Variants in HIPK1 observed in about 807,000 individuals in gnomAD.
The protein encoded by HIPK1 is homeodomain interacting protein kinase 1.
HIPK1 carries 28 observed loss-of-function variants against 117.1 expected under a neutral mutation model. The ratio of observed to expected loss-of-function variants is 0.24; its 90% CI spans 0.18 to 0.33. The LOEUF (loss-of-function observed/expected upper bound fraction) is 0.33, where lower values mean the gene tolerates loss of function less well. HIPK1 is among the 10% of genes least tolerant of loss of function. The probability of loss-of-function intolerance (pLI) is 1.00; values close to 1 mark genes in which losing one functional copy is unlikely to be tolerated. For synonymous variants in HIPK1, 605 were observed against 562.5 expected, an observed-to-expected ratio of 1.08 and a Z score of -1.07; for missense variants, 1,122 against 1,475.1, an observed-to-expected ratio of 0.76 and a Z score of 3.92.
rs1672718493 is a variant in HIPK1 at position 113,970,054 on chromosome 1, C to T, written c.2870C>T (p.Thr957Ile). 6.2e-7 allele frequency: 1 copy of T among 1,614,190 alleles called. No individual in the cohort carries two copies. Among genetic ancestry groups the T allele is most frequent in the South Asian group, 1.1e-5 (1 of 91,086 alleles). ...SSLSSPYSTDTLSALRGNSGS... is the reference protein window; with the variant it reads ...SSLSSPYSTDILSALRGNSGS... The stretch of plus-strand genomic sequence containing the variant: ...TTGAGCAGCCCTTATTCCACTGATA[C>T]CCTGAGTGCTCTCCGAGGCAATAGT... Residue 957 changes from threonine to isoleucine, a missense_variant, in exon 14 of 16, where the codon ACC (threonine) becomes ATC (isoleucine). Around this residue, in one of 6 missense-constraint regions of HIPK1, gnomAD observed 731 missense variants for 860.4 expected, o/e 0.85. Coordinates refer to ENST00000426820, the MANE Select transcript of HIPK1 (RefSeq NM_198268.3).
At chr1:113,933,027 T>C in intron 1 of HIPK1, 2 of 193,646 alleles carry the variant, frequency 1.0e-5, no homozygotes, top group Non-Finnish European at 1.9e-5. Context: ...CAAGGTATAG[T>C]TTTCTTAATT....
intron 1 of HIPK1, among the ~76,000 whole-genome samples, chr1:113,935,581 A>G (rs1670200431): frequency 1.3e-5 from 2 of 152,178 alleles, no homozygotes; most frequent in African/African-American, 4.8e-5. Context: ...TCTGTTTTAA[A>G]TTCTTTGAGG....
Position 113,973,327 on chromosome 1 carries a change from A to G in HIPK1, c.3448A>G (p.Ser1150Gly). 6.2e-7 allele frequency: 1 copy of G among 1,614,094 alleles called. No individual in the cohort carries two copies. Among genetic ancestry groups the G allele is most frequent in the South Asian group, 1.1e-5 (1 of 91,066 alleles). ...RHAAAYTTHP[S>G]TLVHQVPVSV... ...TGCTGCAGCCTATACCACTCACCCT[A>G]GCACTTTGGTGCACCAGGTCCCTGT... The change falls in exon 16 of 16, where the codon AGC becomes GGC. Residue 1150 changes from serine to glycine, a missense_variant. Ser to Gly is a moderately conservative substitution (Grantham distance 56). Around this residue, in one of 6 missense-constraint regions of HIPK1, gnomAD observed 731 missense variants for 860.4 expected, o/e 0.85. Transcript: ENST00000426820.
In HIPK1 at chr1:113,970,063, C is replaced by A. The variant is rs1429393745; in HGVS notation, c.2879C>A (p.Ala960Asp). Residue 960 changes from alanine to aspartate, a missense_variant, in exon 14 of 16, where the codon GCT becomes GAT. Physicochemically the swap from Ala to Asp is moderately radical, Grantham distance 126. This residue lies in a region of HIPK1 where 731 missense variants were observed against 860.4 expected (regional missense o/e 0.85). Coordinates refer to ENST00000426820, the MANE Select transcript of HIPK1 (RefSeq NM_198268.3). ...CCTTATTCCACTGATACCCTGAGTG[C>A]TCTCCGAGGCAATAGTGGATCCGTT... ...SSPYSTDTLS[A>D]LRGNSGSVLE... 6.2e-7 allele frequency: 1 copy of A among 1,614,096 alleles called. No homozygotes were observed. Among genetic ancestry groups the A allele is most frequent in the Non-Finnish European group, 8.5e-7 (1 of 1,180,054 alleles).
At chr1:113,968,751 T>C (rs906872488) in intron 13 of HIPK1, 103 bp downstream of exon 13, 1 of 892,770 alleles carries the variant, frequency 1.1e-6, no homozygotes, top group African/African-American at 1.6e-5. Context: ...TGGGGCATGG[T>C]GGCTCACGCC....
chr1:113,966,220 A>T lies in HIPK1; in HGVS notation c.2329A>T (p.Thr777Ser). The T allele has an allele frequency of 6.2e-7, 1 of 1,614,054 alleles. No homozygotes were observed. Among genetic ancestry groups the T allele is most frequent in the Non-Finnish European group, 8.5e-7 (1 of 1,179,950 alleles). Residue 777 changes from threonine (T) to serine (S), a missense_variant, in exon 11 of 16, where the codon ACA (threonine) becomes TCA (serine). Thr to Ser is a moderately conservative substitution (Grantham distance 58). Transcript: ENST00000426820. ...AGCTCTACACAACTCTGTCCAGCCC[A>T]CAGCAATGATTCCAGAGGCCATGGG... is the stretch of plus-strand genomic sequence containing the variant. Reference protein sequence around the residue: ...GVALHNSVQPTAMIPEAMGSG... With the variant: ...GVALHNSVQPSAMIPEAMGSG...
intron 11 of HIPK1, 43 bp from the exon 12 acceptor site, chr1:113,967,723 G>A (rs1485818096): frequency 1.5e-6 from 2 of 1,376,560 alleles, no homozygotes; most frequent in Non-Finnish European, 1.9e-6. Context: ...TGATTCTTCA[G>A]TGGTTTTGGA....
At chr1:113,954,187 T>G (rs1291061124) in intron 3 of HIPK1, among the ~76,000 whole-genome samples, 1 of 151,972 alleles carries the variant, frequency 6.6e-6, no homozygotes, top group Non-Finnish European at 1.5e-5. Flanking sequence ...GGTCTCAAAC[T>G]CCCAGGCTCA....
chr1:113,963,871 G>A (rs1273974344), intron 10 of HIPK1, among the ~76,000 whole-genome samples: 7 of 152,084 alleles, frequency 4.6e-5, no homozygotes. Flanking sequence ...CTTGTTTTCT[G>A]CCTTTTACCC....
chr1:113,950,009 G>A (rs1266121026), intron 2 of HIPK1, among the ~76,000 whole-genome samples: 1 of 152,156 alleles, frequency 6.6e-6, no homozygotes, highest in Non-Finnish European at 1.5e-5. Flanking sequence ...GAAGAGGCCT[G>A]GGTCGACTGC....
At chr1:113,968,699 C>T in intron 13 of HIPK1, 51 bp downstream of exon 13, 1 of 1,483,498 alleles carries the variant, frequency 6.7e-7, no homozygotes, top group Non-Finnish European at 9.4e-7. Context: ...CTGTTGGCCT[C>T]AGGCAAGTGG....
At chr1:113,932,797 C>T (rs1669984203) in intron 1 of HIPK1, among the ~76,000 whole-genome samples, 1 of 152,154 alleles carries the variant, frequency 6.6e-6, no homozygotes, top group African/African-American at 2.4e-5. Flanking sequence ...AATATATCTC[C>T]TTACTCTACA....
chr1:113,933,919 T>C (rs959958981), intron 1 of HIPK1, among the ~76,000 whole-genome samples: 7 of 152,030 alleles, frequency 4.6e-5, no homozygotes, highest in Admixed American at 4.6e-4. Flanking sequence ...TGTTTAAGTA[T>C]GGGATTGTGC....
At chr1:113,953,091 TAAAA>T (rs929588776) in intron 3 of HIPK1, among the ~76,000 whole-genome samples, 2 of 151,942 alleles carry the variant, frequency 1.3e-5, no homozygotes, top group African/African-American at 2.4e-5. Context: ...AATTCTATAA[TAAAA>T]AAAAGAATTT....
intron 4 of HIPK1, 85 bp downstream of exon 4, chr1:113,954,855 TTC>T: frequency 2.4e-6 from 3 of 1,263,124 alleles, no homozygotes; most frequent in Non-Finnish European, 3.4e-6. Flanking sequence ...TATTAAATTC[TTC>T]AGGTAGAGAA....
intron 8 of HIPK1, among the ~76,000 whole-genome samples, chr1:113,961,099 G>T (rs865972525): frequency 6.6e-6 from 1 of 152,140 alleles, no homozygotes. Context: ...TGCAAGTTTC[G>T]ATAAAGTACA....
intron 1 of HIPK1, among the ~76,000 whole-genome samples, chr1:113,936,088 G>C (rs1394426268): frequency 3.3e-5 from 5 of 152,142 alleles, no homozygotes; most frequent in Admixed American, 2.6e-4. Flanking sequence ...GAGTCTGTTG[G>C]TTTTTCTAGG....
At chr1:113,968,333 A>G (rs1029748659) in intron 12 of HIPK1, 109 bp from the exon 13 acceptor site, 43 of 806,802 alleles carry the variant, frequency 5.3e-5, no homozygotes, top group Non-Finnish European at 1.3e-5. Context: ...TTGCTTAATG[A>G]TTATGTAAAA....
chr1:113,956,870 A>G, intron 6 of HIPK1, 59 bp downstream of exon 6: 1 of 1,473,970 alleles, frequency 6.8e-7, no homozygotes, highest in Non-Finnish European at 9.4e-7. Flanking sequence ...TTACCGCCTT[A>G]TCAATGGCAC....
Sources: allele counts gnomAD v4.1 joint callset (sites outside exome capture counted in the v4.1 genomes callset), GRCh38; gene constraint gnomAD v4.1.1; regional missense constraint gnomAD v4.1.1; transcripts MANE v1.5; gene names NCBI Gene and HGNC (gene_info 2026-07-23, HGNC 2026-07-21).